The following ERAP1 variants were observed in gnomAD, a reference collection of about 807,000 sequenced individuals.
The protein encoded by ERAP1 is adipocyte-derived leucine aminopeptidase.
In ERAP1, 86 loss-of-function variants were observed where a neutral mutation model predicts 103.7. The ratio of observed to expected loss-of-function variants is 0.83; its 90% CI spans 0.70 to 0.99. The LOEUF is 0.99. ERAP1 is among the 50% of genes least tolerant of loss of function. The probability of loss-of-function intolerance (pLI) is 0.00; values close to 1 mark genes in which losing one functional copy is unlikely to be tolerated. For synonymous variants in ERAP1, 398 were observed against 402.4 expected (o/e 0.99, Z 0.13); for missense variants, 1,009 against 1,128.4 (o/e 0.89, Z 1.52).
At chr5:96,930,647 T>C in the ERAP1 span, among the ~76,000 whole-genome samples, 1 of 152,176 alleles carries the variant, frequency 6.6e-6, no homozygotes, top group Non-Finnish European at 1.5e-5. Flanking sequence ...CCCCTTTTCC[T>C]TTCTGAATGG....
intron 8 of ERAP1, among the ~76,000 whole-genome samples, chr5:96,791,445 G>A (rs1180070102): frequency 2.0e-5 from 3 of 152,072 alleles, no homozygotes; most frequent in African/African-American, 7.2e-5. Context: ...TCTCAGCCTC[G>A]GTGAGAAGAC....
At chr5:96,892,559 G>A in the ERAP1 span, 1 of 1,339,210 alleles carries the variant, frequency 7.5e-7, no homozygotes, top group Non-Finnish European at 1.0e-6. Flanking sequence ...TACCTCTAGA[G>A]GGGAACTTAG....
At chr5:96,874,136 G>GAGAGAGAA in the ERAP1 span, among the ~76,000 whole-genome samples, 10 of 118,784 alleles carry the variant, frequency 8.4e-5, no homozygotes, top group African/African-American at 2.2e-4. Context: ...GAAAGAGAGA[G>GAGAGAGAA]AGAAAGAAAG....
At chr5:96,811,202 A>T (rs1384056484), upstream of ERAP1, among the ~76,000 whole-genome samples, 1 of 152,216 alleles carries the variant, frequency 6.6e-6, no homozygotes, top group African/African-American at 2.4e-5. Context: ...AGGCTTGCTT[A>T]ACAAAAGCAA....
chr5:96,921,200 T>C, the ERAP1 span, among the ~76,000 whole-genome samples: 3 of 152,390 alleles, frequency 2.0e-5, no homozygotes, highest in East Asian at 1.9e-4. Flanking sequence ...AAGGTGAAAG[T>C]TGGCCTCAGC....
In ERAP1 at chr5:96,790,460, AGAT is replaced by A. The variant is rs1205218355; in HGVS notation, c.1452+49_1452+51del. The A allele has an allele frequency of 1.9e-5, 30 of 1,611,924 alleles. No individual in the cohort carries two copies. In the African/African-American group the frequency reaches 3.3e-4, roughly 18 times the overall value. Reference sequence around the variant, plus strand: ...AACATAATGCAGGGAAAACAAAACAAGATGATAAGCCTGTCAATCCCAAATGCA... The same window carrying A: ...AACATAATGCAGGGAAAACAAAACAAGATAAGCCTGTCAATCCCAAATGCA... On this transcript the variant is annotated intron_variant, in intron 9 of 18. Coordinates refer to ENST00000443439, the MANE Select transcript of ERAP1 (RefSeq NM_001040458.3).
In ERAP1 at chr5:96,792,126, C is replaced by T. The variant is rs954184597; in HGVS notation, c.1255G>A (p.Val419Met). Residue 419 changes from valine to methionine, a missense_variant, in exon 8 of 19, where the codon GTG (valine) becomes ATG (methionine). Transcript: ENST00000443439. ...EVDALNSSHP[V>M]STPVENPAQI... ...GCAGGATTTTCCACAGGTGTAGACA[C>T]AGGGTGTGAGGAATTTAAAGCATCT... The T allele has an allele frequency of 6.2e-7, 1 of 1,613,960 alleles. No homozygotes were observed. The highest frequency in any genetic ancestry group is 8.5e-7 in the Non-Finnish European group (1 of 1,179,878).
chr5:96,797,730 C>T (rs1393782688), intron 3 of ERAP1, among the ~76,000 whole-genome samples: 1 of 152,188 alleles, frequency 6.6e-6, no homozygotes, highest in Non-Finnish European at 1.5e-5. Context: ...TAGACATTAA[C>T]GTCAAACAGT....
intron 18 of ERAP1, among the ~76,000 whole-genome samples, chr5:96,778,066 G>A (rs573818100): frequency 6.6e-6 from 1 of 152,286 alleles, no homozygotes; most frequent in South Asian, 2.1e-4. Flanking sequence ...GTTATATAAT[G>A]CAGGTAAAGT....
chr5:96,812,753 A>C (rs370293475), upstream of ERAP1, among the ~76,000 whole-genome samples: 2 of 152,270 alleles, frequency 1.3e-5, no homozygotes, highest in Non-Finnish European at 2.9e-5. Context: ...GAAACGAATA[A>C]CTTTCTCAAT....
the ERAP1 span, chr5:96,881,259 T>A: frequency 2.7e-6 from 1 of 375,640 alleles, no homozygotes; most frequent in Non-Finnish European, 5.3e-6. Context: ...AGTAATCAAT[T>A]GGGAGGTCAT....
In ERAP1 at chr5:96,781,787, G is replaced by A. The variant is rs1334571580; in HGVS notation, c.2353C>T (p.Leu785Phe). ...GAQSTEGWDF[L>F]YSKYQFSLSS... ...AAAGAAAACTGATATTTACTATAAA[G>A]AAAATCCCAGCCTTCTGTGCTCTGG... is the stretch of plus-strand genomic sequence containing the variant. Residue 785 changes from leucine to phenylalanine, a missense_variant, in exon 16 of 19, where the codon CTT becomes TTT. Physicochemically the swap from Leu to Phe is conservative, Grantham distance 22 (BLOSUM62 0). Coordinates refer to ENST00000443439, the MANE Select transcript of ERAP1 (RefSeq NM_001040458.3). 3 of 1,614,046 alleles carry A rather than the reference G, an allele frequency of 1.9e-6. No individual in the cohort carries two copies. The highest frequency in any genetic ancestry group is 1.3e-5 in the African/African-American group (1 of 74,990).
intron 13 of ERAP1, among the ~76,000 whole-genome samples, chr5:96,784,494 TAAACAAAC>T (rs61529973): frequency 1.3e-5 from 2 of 151,814 alleles, no homozygotes; most frequent in East Asian, 1.9e-4. Flanking sequence ...AAAAAATAAA[TAAACAAAC>T]AGATAGATAA....
the ERAP1 span, among the ~76,000 whole-genome samples, chr5:96,869,971 C>T: frequency 2.0e-5 from 3 of 152,192 alleles, no homozygotes; most frequent in East Asian, 5.8e-4. Flanking sequence ...ATCTTTAAAG[C>T]ATAAAAGTCT....
chr5:96,899,318 A>G, the ERAP1 span, among the ~76,000 whole-genome samples: 1 of 152,198 alleles, frequency 6.6e-6, no homozygotes. Flanking sequence ...TAAAGGTCCT[A>G]GATTTTGACC....
Position 96,792,207 on chromosome 5 carries a change from A to G in ERAP1, c.1189-15T>C. The G allele has an allele frequency of 6.2e-7, 1 of 1,611,378 alleles. No individual in the cohort carries two copies. The highest frequency in any genetic ancestry group is 1.7e-4 in the Middle Eastern group (1 of 6,052). On this transcript the variant is annotated splice_polypyrimidine_tract_variant and intron_variant, in intron 7 of 18. Transcript: ENST00000443439. ...AAATAATCTCCCTATTGAGATAGAA[A>G]AAAGAAAACATCACCTATGATTTAC...
chr5:96,903,597 C>T, the ERAP1 span: 1 of 1,542,384 alleles, frequency 6.5e-7, no homozygotes, highest in Non-Finnish European at 8.8e-7. Context: ...TGCAAAATAA[C>T]TGATTCGTAA....
chr5:96,907,157 G>A, the ERAP1 span, among the ~76,000 whole-genome samples: 8 of 152,168 alleles, frequency 5.3e-5, no homozygotes, highest in Non-Finnish European at 1.2e-4. Flanking sequence ...TTACTGTTGA[G>A]CTAAGGTTTA....
intron 19 of ERAP1, chr5:96,768,423 A>G (rs373449020): frequency 4.4e-6 from 2 of 456,476 alleles, no homozygotes; most frequent in East Asian, 6.9e-5. Flanking sequence ...AAACGATGAT[A>G]TAGAGAACCT....
Sources: allele counts gnomAD v4.1 joint callset (sites outside exome capture counted in the v4.1 genomes callset), GRCh38; gene constraint gnomAD v4.1.1; transcripts MANE v1.5; gene names NCBI Gene and HGNC (gene_info 2026-07-23, HGNC 2026-07-21).